PACRG: variants seen among roughly 807,000 people sequenced by gnomAD.
The protein encoded by PACRG is parkin coregulated gene protein.
A neutral mutation model predicts 29.7 loss-of-function variants in PACRG; 29 were observed. That is an observed-to-expected ratio of 0.98 (90% CI 0.73 to 1.33). The LOEUF is 1.33. Among genes scored for constraint, PACRG ranks in the 40% most tolerant of loss-of-function variants. The pLI is 0.00. For synonymous variants in PACRG, 116 were observed against 118.7 expected (o/e 0.98, Z 0.15); for missense variants, 279 against 316.2 (o/e 0.88, Z 0.89).
chr6:162,868,644 G>A (rs539387599), intron 2 of PACRG, among the ~76,000 whole-genome samples: 3 of 152,148 alleles, frequency 2.0e-5, no homozygotes, highest in Admixed American at 1.3e-4. Context: ...GGGCGCACCC[G>A]AGCCGCCAGA....
At chr6:162,911,970 C>G (rs144067216) in intron 2 of PACRG, among the ~76,000 whole-genome samples, 5 of 152,198 alleles carry the variant, frequency 3.3e-5, no homozygotes, top group African/African-American at 1.2e-4. Context: ...TCCAGTCTCT[C>G]CTCTCTACTT....
intron 4 of PACRG, among the ~76,000 whole-genome samples, chr6:163,225,616 T>C (rs1781760289): frequency 6.6e-6 from 1 of 152,184 alleles, no homozygotes. Flanking sequence ...AGTGGGAGTG[T>C]AAATTAGTAC....
intron 2 of PACRG, among the ~76,000 whole-genome samples, chr6:162,897,393 A>C (rs1329791938): frequency 6.6e-6 from 1 of 152,172 alleles, no homozygotes; most frequent in Non-Finnish European, 1.5e-5. Flanking sequence ...AGCCTGAGGA[A>C]TTTGCACTCA....
rs959387162 is a variant in PACRG, at chr6:163,005,892, C to A, written c.292-56258C>A. 2.1e-5 allele frequency among the ~76,000 whole-genome samples: 3 copies of A among 143,212 alleles called. No individual in the cohort carries two copies. In the South Asian group the frequency reaches 6.6e-4, roughly 32 times the overall value. 94.0% of individuals were successfully genotyped at this position (143,212 alleles called of 152,430 possible). A position where few individuals can be genotyped will look rare whatever the true frequency, so the allele number is the denominator to read the frequency against. On this transcript the variant is annotated intron_variant, in intron 2 of 4. Coordinates refer to ENST00000366888, the MANE Select transcript of PACRG (RefSeq NM_001080379.2). The stretch of plus-strand genomic sequence containing the variant: ...AGTTATACGTGTTATATATATACAA[C>A]GTAGTTATACGTGTTATATATATAA...
At chr6:163,113,012 A>G (rs1430869881) in intron 4 of PACRG, among the ~76,000 whole-genome samples, 1 of 152,188 alleles carries the variant, frequency 6.6e-6, no homozygotes, top group Non-Finnish European at 1.5e-5. Context: ...CAAGAAAACA[A>G]TGTATGAACA....
intron 4 of PACRG, among the ~76,000 whole-genome samples, chr6:163,195,390 C>A (rs897168738): frequency 6.6e-6 from 1 of 152,162 alleles, no homozygotes; most frequent in Non-Finnish European, 1.5e-5. Context: ...ACTTCCAAGA[C>A]TATCTCCTCA....
intron 4 of PACRG, 154 bp downstream of exon 4, chr6:163,089,562 G>A (rs1000566519): frequency 5.6e-6 from 5 of 900,272 alleles, no homozygotes; most frequent in East Asian, 2.7e-5. Context: ...GCCTTCTCCA[G>A]CTACTCCCTA....
At chr6:162,956,367 C>T (rs540660261) in intron 2 of PACRG, among the ~76,000 whole-genome samples, 3 of 152,260 alleles carry the variant, frequency 2.0e-5, no homozygotes, top group East Asian at 1.9e-4. Flanking sequence ...TGTCAAATTA[C>T]CCTTAATCAG....
At chr6:163,184,768 A>C (rs544855669) in intron 4 of PACRG, 2 of 152,320 alleles carry the variant, frequency 1.3e-5, no homozygotes, top group Non-Finnish European at 2.9e-5. Context: ...TCAGGCATTA[A>C]TATAAAGAAA....
At chr6:163,011,891 T>C (rs1363914656) in intron 2 of PACRG, among the ~76,000 whole-genome samples, 2 of 152,178 alleles carry the variant, frequency 1.3e-5, no homozygotes, top group Non-Finnish European at 2.9e-5. Flanking sequence ...GGAGCATCCA[T>C]GTCACTGTCT....
chr6:163,045,071 G>A (rs984983136), intron 2 of PACRG, among the ~76,000 whole-genome samples: 5 of 152,144 alleles, frequency 3.3e-5, no homozygotes, highest in Admixed American at 6.5e-5. Context: ...CAGCCGTTGC[G>A]AAGGTTTTGG....
intron 4 of PACRG, chr6:163,165,971 A>G (rs1778785629): frequency 2.6e-6 from 1 of 390,576 alleles, no homozygotes; most frequent in African/African-American, 2.1e-5. Context: ...AAACGTTATG[A>G]TTCTAATATA....
chr6:162,968,840 A>G (rs1801271533), intron 2 of PACRG, among the ~76,000 whole-genome samples: 1 of 152,052 alleles, frequency 6.6e-6, no homozygotes, highest in Non-Finnish European at 1.5e-5. Flanking sequence ...CAAGGTCAGG[A>G]GTACGAGATC....
intron 4 of PACRG, among the ~76,000 whole-genome samples, chr6:163,196,714 A>G (rs534673828): frequency 3.3e-5 from 5 of 152,338 alleles, no homozygotes; most frequent in Non-Finnish European, 7.3e-5. Flanking sequence ...ACATGTGCAC[A>G]TGACACAAGA....
rs373346743 is a variant in PACRG, at chr6:162,823,868, CA to C, written c.291+9588del. On this transcript the variant is annotated intron_variant, in intron 2 of 4. Transcript: ENST00000366888. The stretch of plus-strand genomic sequence containing the variant: ...GTATGGATCTATCCATTACTGCCAC[CA>C]GTTCAAATTTTAGCTGTGCTTAGGT... Among the ~76,000 whole-genome samples, 118 of 152,156 alleles carry C rather than the reference CA, an allele frequency of 7.8e-4. No individual in the cohort carries two copies. In the East Asian group the frequency reaches 0.011, roughly 15 times the overall value.
chr6:163,207,053 A>T (rs1256254912), intron 4 of PACRG, among the ~76,000 whole-genome samples: 1 of 152,216 alleles, frequency 6.6e-6, no homozygotes, highest in Non-Finnish European at 1.5e-5. Context: ...CTTAATAAAT[A>T]GTCAATATTT....
chr6:162,750,908 T>C (rs1781462725), intron 1 of PACRG, among the ~76,000 whole-genome samples: 1 of 152,204 alleles, frequency 6.6e-6, no homozygotes, highest in Admixed American at 6.5e-5. Flanking sequence ...TTTTTCTTGA[T>C]GCTTTAGCCA....
intron 4 of PACRG, chr6:163,190,031 A>G (rs1479306457): frequency 2.0e-5 from 3 of 152,242 alleles, no homozygotes; most frequent in African/African-American, 7.2e-5. Flanking sequence ...ATTACTTCTG[A>G]TAGAAGAAAC....
intron 2 of PACRG, among the ~76,000 whole-genome samples, chr6:162,896,225 C>T (rs532762825): frequency 1.3e-5 from 2 of 152,208 alleles, no homozygotes; most frequent in African/African-American, 2.4e-5. Flanking sequence ...ACTGCTGCCT[C>T]TTTCTACCCT....
Sources: gnomAD v4.1 joint callset for allele counts (sites outside exome capture counted in the v4.1 genomes callset) on GRCh38, gnomAD v4.1.1 for gene constraint, MANE v1.5 for transcripts, NCBI Gene and HGNC (gene_info 2026-07-23, HGNC 2026-07-21) for gene names.